CSMD1: variants seen among roughly 807,000 people sequenced by gnomAD.
CSMD1 encodes CUB and sushi domain-containing protein 1.
Under a neutral mutation model 417.5 loss-of-function variants are expected in CSMD1, and 213 were observed. The observed-to-expected ratio is 0.51, with a 90% confidence interval of 0.46 to 0.57. The LOEUF (loss-of-function observed/expected upper bound fraction) is 0.57. Among genes scored for constraint, CSMD1 ranks in the 20% least tolerant of loss-of-function variants. The pLI is 0.00. For synonymous variants in CSMD1, 2,862 were observed against 1,736.8 expected (o/e 1.65, Z -16.11); for missense variants, 6,923 against 4,529.7 (o/e 1.53, Z -15.17).
chr8:3,552,518 T>A (rs1798961419), intron 10 of CSMD1, among the ~76,000 whole-genome samples: 1 of 152,154 alleles, frequency 6.6e-6, no homozygotes, highest in African/African-American at 2.4e-5. Flanking sequence ...CTAAAGAGAC[T>A]CAAAAGTTTT....
intron 25 of CSMD1, among the ~76,000 whole-genome samples, chr8:3,296,120 A>T (rs1803946062): frequency 6.6e-6 from 1 of 152,088 alleles, no homozygotes; most frequent in African/African-American, 2.4e-5. Context: ...AAAAGTAGAC[A>T]GGAAAAGAAT....
intron 3 of CSMD1, among the ~76,000 whole-genome samples, chr8:4,091,294 T>C (rs1336717607): frequency 6.6e-6 from 1 of 152,202 alleles, no homozygotes; most frequent in Non-Finnish European, 1.5e-5. Flanking sequence ...TCCAATTTTA[T>C]TAAAATTCTG....
chr8:4,429,528 C>T (rs1393848306), intron 2 of CSMD1, among the ~76,000 whole-genome samples: 1 of 152,086 alleles, frequency 6.6e-6, no homozygotes, highest in Admixed American at 6.6e-5. Context: ...CAAGTTGGAT[C>T]AGAAAATTGC....
intron 3 of CSMD1, among the ~76,000 whole-genome samples, chr8:4,376,561 G>A (rs1028747684): frequency 6.6e-6 from 1 of 151,830 alleles, no homozygotes; most frequent in Non-Finnish European, 1.5e-5. Context: ...TCATATATTT[G>A]CCTGTTTGTT....
intron 3 of CSMD1, among the ~76,000 whole-genome samples, chr8:4,210,167 C>G (rs73184114): frequency 0.065 from 9,947 of 152,296 alleles, 387 homozygotes; most frequent in East Asian, 0.14. Context: ...AAATCTGATG[C>G]TGCCTCAGCC....
In CSMD1 at chr8:3,367,262, C is replaced by T. The variant is rs1563316664; in HGVS notation, c.2900-15G>A. 1 of 1,576,372 alleles carries T rather than the reference C, an allele frequency of 6.3e-7. No individual in the cohort carries two copies. The highest frequency in any genetic ancestry group is 1.7e-5 in the Admixed American group (1 of 57,746). ...CATTTGAACTCCTGAGAAATGAAGC[C>T]GGGGGAGAGAGAGAGAGACAGAGAG... On this transcript the variant is annotated splice_polypyrimidine_tract_variant and intron_variant, in intron 19 of 69. Transcript: ENST00000635120.
intron 2 of CSMD1, among the ~76,000 whole-genome samples, chr8:4,458,065 A>G (rs1413389318): frequency 6.6e-6 from 1 of 152,156 alleles, no homozygotes; most frequent in African/African-American, 2.4e-5. Flanking sequence ...TGAGGTACAC[A>G]ATCCTTCATG....
At chr8:3,389,624 G>A (rs11787482) in intron 17 of CSMD1, among the ~76,000 whole-genome samples, 20 of 43,518 alleles carry the variant, frequency 4.6e-4, no homozygotes, top group South Asian at 2.4e-3. Context: ...AATAAGTGAG[G>A]ATTATATATT....
intron 3 of CSMD1, among the ~76,000 whole-genome samples, chr8:4,241,650 T>C (rs931177996): frequency 5.9e-5 from 9 of 152,118 alleles, no homozygotes; most frequent in African/African-American, 2.2e-4. Context: ...TCAAAATCAT[T>C]ACAAATGGTA....
At chr8:4,526,857 G>T (rs943371242) in intron 2 of CSMD1, among the ~76,000 whole-genome samples, 2 of 152,078 alleles carry the variant, frequency 1.3e-5, no homozygotes, top group Non-Finnish European at 2.9e-5. Context: ...CCCCCAAGAA[G>T]ACATAGGATA....
intron 1 of CSMD1, among the ~76,000 whole-genome samples, chr8:4,727,900 C>T (rs1224539646): frequency 7.0e-6 from 1 of 142,702 alleles, no homozygotes; most frequent in Non-Finnish European, 1.5e-5. Context: ...ACCTATACCA[C>T]ATATATATAT....
chr8:3,685,702 G>C (rs564370820), intron 7 of CSMD1, among the ~76,000 whole-genome samples: 1 of 150,998 alleles, frequency 6.6e-6, no homozygotes, highest in Non-Finnish European at 1.5e-5. Flanking sequence ...GCAATTTCAA[G>C]CCTTAAGATC....
At chr8:3,308,705 A>ATCTTTTTT (rs1563255325) in intron 23 of CSMD1, among the ~76,000 whole-genome samples, 1 of 143,284 alleles carries the variant, frequency 7.0e-6, no homozygotes, top group African/African-American at 2.6e-5. Context: ...AAGTTCGGTC[A>ATCTTTTTT]TCTTATTTGT....
chr8:4,606,577 G>T (rs1800881527), intron 2 of CSMD1, among the ~76,000 whole-genome samples: 1 of 152,182 alleles, frequency 6.6e-6, no homozygotes, highest in South Asian at 2.1e-4. Flanking sequence ...GTTCTCTCAA[G>T]GACCAGGTAA....
At chr8:4,494,845 G>C (rs1801898309) in intron 2 of CSMD1, among the ~76,000 whole-genome samples, 1 of 152,112 alleles carries the variant, frequency 6.6e-6, no homozygotes, top group Non-Finnish European at 1.5e-5. Flanking sequence ...TAGAGTCAGG[G>C]TAGGTAGCAA....
intron 5 of CSMD1, among the ~76,000 whole-genome samples, chr8:3,941,719 T>C (rs1318480892): frequency 6.6e-6 from 1 of 152,190 alleles, no homozygotes; most frequent in Non-Finnish European, 1.5e-5. Context: ...TATTTATTTA[T>C]TTTTTAACTA....
At chr8:3,862,531 T>A (rs577065319) in intron 5 of CSMD1, among the ~76,000 whole-genome samples, 3 of 152,218 alleles carry the variant, frequency 2.0e-5, no homozygotes, top group Non-Finnish European at 4.4e-5. Flanking sequence ...TACCATAAAA[T>A]TCACCTTTTC....
chr8:4,697,610 C>T (rs1450805794), intron 1 of CSMD1, among the ~76,000 whole-genome samples: 1 of 151,970 alleles, frequency 6.6e-6, no homozygotes, highest in Non-Finnish European at 1.5e-5. Flanking sequence ...TCAATAAGTT[C>T]AACATTATAA....
intron 3 of CSMD1, among the ~76,000 whole-genome samples, chr8:4,080,765 G>C (rs1235193208): frequency 1.3e-5 from 2 of 152,154 alleles, no homozygotes; most frequent in Admixed American, 6.5e-5. Flanking sequence ...AGGTGAATAA[G>C]ACTGGGCTAA....
Sources: gnomAD v4.1 joint callset for allele counts (sites outside exome capture counted in the v4.1 genomes callset) on GRCh38, gnomAD v4.1.1 for gene constraint, MANE v1.5 for transcripts, NCBI Gene and HGNC (gene_info 2026-07-23, HGNC 2026-07-21) for gene names.